The following ADGRL1 variants were observed in gnomAD, a reference collection of about 807,000 sequenced individuals.
ADGRL1 encodes the protein CIRL-1.
Under a neutral mutation model 148.9 loss-of-function variants are expected in ADGRL1, and 31 were observed. The observed-to-expected ratio is 0.21, with a 90% confidence interval of 0.16 to 0.28. The LOEUF (loss-of-function observed/expected upper bound fraction) is 0.28, where lower values mean the gene tolerates loss of function less well. Among genes scored for constraint, ADGRL1 ranks in the 10% least tolerant of loss-of-function variants. The probability of loss-of-function intolerance (pLI) is 1.00; values close to 1 mark genes in which losing one functional copy is unlikely to be tolerated. For missense variants in ADGRL1, 1,521 were observed against 2,058.8 expected (o/e 0.74, Z 5.05); for synonymous variants, 937 against 900.3 (o/e 1.04, Z -0.73).
At position 14,156,910 on chromosome 19, in the gene ADGRL1, G is replaced by A; in HGVS notation, c.2966+15C>T. ...ACCAGGTGGGAGGGTGCAGGGCTGG[G>A]AGGTGGAAACTCACGCCTTCTCGGT... On this transcript the variant is annotated intron_variant, in intron 15 of 22. Coordinates refer to ENST00000361434, the MANE Select transcript of ADGRL1 (RefSeq NM_014921.5). The A allele has an allele frequency of 6.2e-7, 1 of 1,607,012 alleles. No homozygotes were observed. Among genetic ancestry groups the A allele is most frequent in the Non-Finnish European group, 8.5e-7 (1 of 1,178,992 alleles).
chr19:14,158,631 C>G, intron 11 of ADGRL1, 79 bp from the exon 12 acceptor site: 1 of 1,204,340 alleles, frequency 8.3e-7, no homozygotes, highest in Non-Finnish European at 1.2e-6. Context: ...CTTCCCAGCT[C>G]AGCCAGCTCC....
rs946729346 is a variant in ADGRL1 at position 14,163,387 on chromosome 19, G to T, written c.414C>A (p.Thr138=). 9 of 1,571,704 alleles carry T rather than the reference G, an allele frequency of 5.7e-6. No individual in the cohort carries two copies. The highest frequency in any genetic ancestry group is 3.7e-5 in the Admixed American group (2 of 53,658). ...CVPYIFVCPG[T]LQKVLEPTST... ...AGGTGGGCTCCAGCACCTTCTGCAGGGTCCCTGGGCACACGAAGACTGGGC... is the reference window on the plus strand; with the variant it reads ...AGGTGGGCTCCAGCACCTTCTGCAGTGTCCCTGGGCACACGAAGACTGGGC... The change falls in exon 5 of 23, where the codon ACC becomes ACA. Residue 138 remains threonine, a synonymous_variant. Transcript: ENST00000361434.
At chr19:14,163,754 G>C (rs1335291643) in intron 4 of ADGRL1, among the ~76,000 whole-genome samples, 1 of 152,092 alleles carries the variant, frequency 6.6e-6, no homozygotes, top group Non-Finnish European at 1.5e-5. Flanking sequence ...CACAGGCTGG[G>C]GAGGAGTTTG....
rs1405485292 is a variant in ADGRL1, at chr19:14,151,507, C to A, written c.3776G>T (p.Gly1259Val). Reference protein sequence around the residue: ...LRSGDFPPGDGGPEPPRGRNL... With the variant: ...LRSGDFPPGDVGPEPPRGRNL... The stretch of plus-strand genomic sequence containing the variant: ...CCGGCCTCGGGGCGGCTCAGGGCCC[C>A]CATCCCCGGGAGGGAAATCCCCACT... Residue 1259 changes from glycine to valine, a missense_variant, in exon 23 of 23, where the codon GGG becomes GTG. By Grantham distance (109) the Gly-to-Val change is moderately radical. This residue lies in a region of ADGRL1 where 390 missense variants were observed against 375.0 expected (regional missense o/e 1.04). Coordinates refer to ENST00000361434, the MANE Select transcript of ADGRL1 (RefSeq NM_014921.5). 3.1e-6 allele frequency: 5 copies of A among 1,610,918 alleles called. No homozygotes were observed. Among genetic ancestry groups the A allele is most frequent in the Non-Finnish European group, 4.2e-6 (5 of 1,178,840 alleles).
rs200069099 is a variant in ADGRL1, at chr19:14,151,344, G to A, written c.3939C>T (p.Gly1313=). 716 of 1,597,926 alleles carry A rather than the reference G, an allele frequency of 4.5e-4. 4 individuals are homozygous for A. The African/African-American group carries it at 7.9e-3, about 18-fold the overall frequency. The change falls in exon 23 of 23, where the codon GGC becomes GGT. Residue 1313 remains glycine, a synonymous_variant. Coordinates refer to ENST00000361434, the MANE Select transcript of ADGRL1 (RefSeq NM_014921.5). The part of the protein sequence containing the change: ...PPVPPVPGGG[G]EEEAGGPGGA... ...CCCCGGGCCCGCCCGCCTCTTCCTC[G>A]CCCCCGCCCCCTGGCACAGGTGGCA...
intron 2 of ADGRL1, among the ~76,000 whole-genome samples, chr19:14,180,996 C>T (rs929055220): frequency 6.6e-6 from 1 of 151,620 alleles, no homozygotes. Flanking sequence ...TGCAGTGAGC[C>T]GAGATCACAC....
chr19:14,158,008 C>A lies in ADGRL1; in HGVS notation c.2409G>T (p.Ser803=). ...ACCAGTAGCCCAGCATGGAACGCTC[C>A]GAGTAGTTCCAGAAGGAGCAGTTAG... ...FNANCSFWNY[S]ERSMLGYWST... The change falls in exon 13 of 23, where the codon TCG becomes TCT. Residue 803 remains serine (S), a synonymous_variant. Transcript: ENST00000361434. The A allele has an allele frequency of 3.1e-6, 5 of 1,614,186 alleles. No individual in the cohort carries two copies. Among genetic ancestry groups the A allele is most frequent in the Non-Finnish European group, 4.2e-6 (5 of 1,180,024 alleles).
intron 4 of ADGRL1, among the ~76,000 whole-genome samples, chr19:14,164,129 GAGGA>G (rs1969719065): frequency 6.6e-6 from 1 of 151,748 alleles, no homozygotes; most frequent in South Asian, 2.1e-4. Context: ...GTCAGTAGCC[GAGGA>G]AGGGATTCCC....
chr19:14,200,274 G>A (rs556048115), intron 1 of ADGRL1, among the ~76,000 whole-genome samples: 142 of 152,284 alleles, frequency 9.3e-4, no homozygotes, highest in African/African-American at 3.2e-3. Context: ...AGGAGAGTGG[G>A]AGGAGGTGAG....
chr19:14,163,946 G>GTTTT (rs5827221), intron 4 of ADGRL1, among the ~76,000 whole-genome samples: 1 of 148,106 alleles, frequency 6.8e-6, no homozygotes, highest in African/African-American at 2.5e-5. Context: ...CCCGGACAGT[G>GTTTT]TTTTTTTTTT....
chr19:14,196,998 G>A (rs910287010), intron 1 of ADGRL1, among the ~76,000 whole-genome samples: 1 of 152,090 alleles, frequency 6.6e-6, no homozygotes, highest in Non-Finnish European at 1.5e-5. Flanking sequence ...CCCTGGAGCT[G>A]GGCACAGTGG....
At chr19:14,158,691 C>T in intron 11 of ADGRL1, 139 bp from the exon 12 acceptor site, 2 of 678,712 alleles carry the variant, frequency 2.9e-6, no homozygotes, top group Non-Finnish European at 5.0e-6. Flanking sequence ...CAGTCCATAG[C>T]CCAGGCAGGT....
intron 2 of ADGRL1, among the ~76,000 whole-genome samples, chr19:14,182,078 C>T (rs1369629751): frequency 6.6e-6 from 1 of 152,128 alleles, no homozygotes; most frequent in Non-Finnish European, 1.5e-5. Flanking sequence ...GAATTCCAGC[C>T]CGGCCACTCC....
At chr19:14,177,482 G>A (rs770999588) in intron 3 of ADGRL1, 49 bp downstream of exon 3, 7 of 1,550,568 alleles carry the variant, frequency 4.5e-6, no homozygotes, top group Non-Finnish European at 5.3e-6. Context: ...GGTGTGCAGT[G>A]CTTTTAGGCG....
chr19:14,178,635 A>G (rs1401226937), intron 2 of ADGRL1, among the ~76,000 whole-genome samples: 1 of 151,944 alleles, frequency 6.6e-6, no homozygotes, highest in Non-Finnish European at 1.5e-5. Flanking sequence ...TCCTGCCTCA[A>G]CCTCCCAAGT....
chr19:14,180,506 T>C (rs1304093041), intron 2 of ADGRL1, among the ~76,000 whole-genome samples: 2 of 152,082 alleles, frequency 1.3e-5, no homozygotes, highest in Admixed American at 1.3e-4. Context: ...TCCGCCCGCC[T>C]GAGCCTCCCA....
At chr19:14,156,564 T>TGTGGGGGGG in intron 16 of ADGRL1, 94 bp downstream of exon 16, 4 of 519,140 alleles carry the variant, frequency 7.7e-6, no homozygotes, top group South Asian at 1.8e-5. Flanking sequence ...TGTGTGTGTG[T>TGTGGGGGGG]GTGGGGGGGG....
chr19:14,182,705 C>A (rs1377354973), intron 2 of ADGRL1, among the ~76,000 whole-genome samples: 3 of 152,194 alleles, frequency 2.0e-5, no homozygotes, highest in Non-Finnish European at 4.4e-5. Flanking sequence ...TGGAGGCAGC[C>A]CTCCCGGCCC....
rs769844446 is a variant in ADGRL1, at chr19:14,170,736, G to GGTCA, written c.336_339dup (p.Pro114Ter). 1 of 1,613,446 alleles carries GGTCA rather than the reference G, an allele frequency of 6.2e-7. No individual in the cohort carries two copies. On this transcript the variant is annotated stop_gained and frameshift_variant, in exon 4 of 23. Transcript: ENST00000361434. LOFTEE classifies it high-confidence loss of function. Reference sequence around the variant, plus strand: ...AGGTACTTGTAGGTCCCAGGACAGGGGTCAGGAAAGGCATCCGAGCCGGCG... The same window carrying GGTCA: ...AGGTACTTGTAGGTCCCAGGACAGGGGTCAGTCAGGAAAGGCATCCGAGCCGGCG...
Sources: gnomAD v4.1 joint callset for allele counts (sites outside exome capture counted in the v4.1 genomes callset) on GRCh38, gnomAD v4.1.1 for gene constraint, gnomAD v4.1.1 regional missense constraint, MANE v1.5 for transcripts, NCBI Gene and HGNC (gene_info 2026-07-23, HGNC 2026-07-21) for gene names.